The following WDR47 variants were observed in gnomAD, a reference collection of about 807,000 sequenced individuals.
WDR47 encodes the protein WD repeat domain 47, also known as WD repeat-containing protein 47.
In WDR47, 32 loss-of-function variants were observed where a neutral mutation model predicts 97.2. The observed-to-expected ratio is 0.33, with a 90% CI of 0.25 to 0.44. The LOEUF (loss-of-function observed/expected upper bound fraction) is 0.44, where lower values mean the gene tolerates loss of function less well. Ranked by LOEUF, WDR47 falls within the 20% of genes least tolerant of loss-of-function variation. The pLI is 1.00. For synonymous variants in WDR47, 375 were observed against 373.5 expected, an observed-to-expected ratio of 1.00 and a Z score of -0.05; for missense variants, 782 against 1,102.3, an observed-to-expected ratio of 0.71 and a Z score of 4.11.
chr1:109,040,519 A>C (rs1478367331), intron 1 of WDR47, among the ~76,000 whole-genome samples: 1 of 152,060 alleles, frequency 6.6e-6, no homozygotes, highest in African/African-American at 2.4e-5. Context: ...CCCGTCCAAA[A>C]AAAAAAAAAA....
chr1:108,999,514 G>T (rs892037672), intron 7 of WDR47, among the ~76,000 whole-genome samples: 2 of 151,602 alleles, frequency 1.3e-5, no homozygotes, highest in Admixed American at 6.6e-5. Flanking sequence ...GATCAGTCTA[G>T]GCAACATGGT....
intron 8 of WDR47, among the ~76,000 whole-genome samples, chr1:108,991,841 A>G (rs1659371306): frequency 6.6e-6 from 1 of 152,086 alleles, no homozygotes; most frequent in Admixed American, 6.5e-5. Context: ...ATTATAAAAT[A>G]TAATAGAGAC....
intron 1 of WDR47, among the ~76,000 whole-genome samples, chr1:109,034,332 T>C (rs553928796): frequency 1.3e-5 from 2 of 152,308 alleles, no homozygotes; most frequent in East Asian, 1.9e-4. Flanking sequence ...CCAATTCTTA[T>C]AGAAACCTAG....
chr1:108,981,653 T>C, intron 13 of WDR47, 80 bp downstream of exon 13: 1 of 1,372,626 alleles, frequency 7.3e-7, no homozygotes, highest in Non-Finnish European at 9.8e-7. Context: ...TTCTATTTTT[T>C]ATATTGCAGG....
At chr1:108,991,694 A>G (rs2101860316) in intron 8 of WDR47, among the ~76,000 whole-genome samples, 1 of 152,314 alleles carries the variant, frequency 6.6e-6, no homozygotes, top group Non-Finnish European at 1.5e-5. Context: ...AGAAAAAAAT[A>G]TCAGAAACTT....
At chr1:109,015,231 T>C (rs1343385645) in intron 3 of WDR47, among the ~76,000 whole-genome samples, 1 of 152,214 alleles carries the variant, frequency 6.6e-6, no homozygotes. Context: ...CTGATAGTGA[T>C]AGAGTAACTT....
At chr1:108,999,949 A>G (rs1660053726) in intron 7 of WDR47, among the ~76,000 whole-genome samples, 1 of 152,232 alleles carries the variant, frequency 6.6e-6, no homozygotes, top group Admixed American at 6.5e-5. Context: ...TCAAATAAGA[A>G]TAATTCTGAC....
chr1:109,005,947 C>T (rs1660577901), intron 5 of WDR47, among the ~76,000 whole-genome samples: 1 of 152,048 alleles, frequency 6.6e-6, no homozygotes, highest in African/African-American at 2.4e-5. Context: ...CTCTGTGGCT[C>T]AGCTTAAAAT....
chr1:108,985,280 AATTT>A (rs1294127548), intron 10 of WDR47, among the ~76,000 whole-genome samples: 2 of 152,110 alleles, frequency 1.3e-5, no homozygotes, highest in Non-Finnish European at 2.9e-5. Flanking sequence ...AACCAATCTG[AATTT>A]ATTTCAGTTC....
intron 1 of WDR47, among the ~76,000 whole-genome samples, chr1:109,036,697 G>T (rs142187706): frequency 6.6e-6 from 1 of 151,754 alleles, no homozygotes. Context: ...TTAGCTGGGC[G>T]TGGTGGCAGG....
At chr1:109,017,724 T>C in intron 2 of WDR47, 123 bp from the exon 3 acceptor site, 1 of 771,958 alleles carries the variant, frequency 1.3e-6, no homozygotes, top group Non-Finnish European at 2.1e-6. Flanking sequence ...AACATTTTAT[T>C]TGATTCCTCA....
At chr1:108,974,288 G>A (rs892409459) in intron 14 of WDR47, among the ~76,000 whole-genome samples, 4 of 151,686 alleles carry the variant, frequency 2.6e-5, no homozygotes, top group Admixed American at 6.6e-5. Flanking sequence ...CCAGGAGTTC[G>A]AGACCAGCCT....
intron 14 of WDR47, 56 bp downstream of exon 14, chr1:108,974,479 AT>A (rs1657729272): frequency 2.8e-6 from 4 of 1,446,096 alleles, no homozygotes; most frequent in Non-Finnish European, 3.8e-6. Flanking sequence ...TAACAAAAAA[AT>A]AAAGGTCCCA....
Position 109,011,137 on chromosome 1 carries a change from T to C in WDR47, c.909A>G (p.Gln303=). The C allele has an allele frequency of 2.5e-6, 4 of 1,614,170 alleles. No individual in the cohort carries two copies. Among genetic ancestry groups the C allele is most frequent in the East Asian group, 2.2e-5 (1 of 44,870 alleles). ...AGCGGGTCATATAGGCATCAGCTGA[T>C]TGAGGTCTTCTCATTGGGGATGATG... ...PYPSSPMRRP[Q]SADAYMTRSL... The change falls in exon 5 of 15, where the codon CAA becomes CAG. Residue 303 remains glutamine (Q), a synonymous_variant. Transcript: ENST00000369962.
chr1:108,980,039 G>A (rs1323678343), intron 13 of WDR47, among the ~76,000 whole-genome samples: 1 of 152,158 alleles, frequency 6.6e-6, no homozygotes, highest in East Asian at 1.9e-4. Flanking sequence ...CACATGTAAG[G>A]TATCTAGGTT....
Position 109,015,905 on chromosome 1 carries a change from C to T in WDR47, c.242+1613G>A, listed in dbSNP as rs1661377627. On this transcript the variant is annotated intron_variant, in intron 3 of 14. Transcript: ENST00000369962. ...GGCTGAGGCAGGAGAATCGCTTGAA[C>T]CTGGGAAGCAGAGGTTGCAGTGAGC... is the stretch of plus-strand genomic sequence containing the variant. Among the ~76,000 whole-genome samples, 4 of 149,504 alleles carry T rather than the reference C, an allele frequency of 2.7e-5. No homozygotes were observed. The South Asian group carries it at 8.4e-4, about 31-fold the overall frequency.
chr1:109,038,929 A>C (rs945731034), intron 1 of WDR47, among the ~76,000 whole-genome samples: 1 of 152,098 alleles, frequency 6.6e-6, no homozygotes, highest in African/African-American at 2.4e-5. Context: ...CAGTGAGCCG[A>C]GATCACGCCA....
intron 9 of WDR47, 128 bp downstream of exon 9, chr1:108,991,126 C>T: frequency 1.4e-6 from 1 of 715,698 alleles, no homozygotes; most frequent in Non-Finnish European, 2.2e-6. Flanking sequence ...CATTCTTCTG[C>T]CTCGGCCTCC....
intron 1 of WDR47, among the ~76,000 whole-genome samples, chr1:109,028,361 G>GTTTT (rs1414813690): frequency 0.011 from 299 of 27,496 alleles, no homozygotes; most frequent in Non-Finnish European, 0.014. Context: ...ATTTTTGTTG[G>GTTTT]GTTTTTTTTT....
Sources: allele counts gnomAD v4.1 joint callset (sites outside exome capture counted in the v4.1 genomes callset), GRCh38; gene constraint gnomAD v4.1.1; transcripts MANE v1.5; gene names NCBI Gene and HGNC (gene_info 2026-07-23, HGNC 2026-07-21).